RBMS3: variants seen among roughly 807,000 people sequenced by gnomAD.
RBMS3 encodes RNA-binding motif, single-stranded-interacting protein 3.
Under a neutral mutation model 66.8 loss-of-function variants are expected in RBMS3, and 27 were observed. The observed-to-expected ratio is 0.40, with a 90% CI of 0.30 to 0.56. The LOEUF is 0.56. RBMS3 is among the 20% of genes least tolerant of loss of function. The probability of loss-of-function intolerance (pLI) is 0.40; values close to 1 mark genes in which losing one functional copy is unlikely to be tolerated. For missense variants in RBMS3, 513 were observed against 549.5 expected (o/e 0.93, Z 0.66); for synonymous variants, 188 against 183.0 (o/e 1.03, Z -0.22).
At chr3:29,405,113 C>T (rs1286609222) in intron 1 of RBMS3, among the ~76,000 whole-genome samples, 1 of 151,972 alleles carries the variant, frequency 6.6e-6, no homozygotes, top group Admixed American at 6.6e-5. Context: ...GGACCCAAAC[C>T]CAAGTTTTCA....
intron 4 of RBMS3, among the ~76,000 whole-genome samples, chr3:29,682,315 T>TTTCG (rs1553641778): frequency 1.3e-5 from 2 of 152,074 alleles, no homozygotes; most frequent in African/African-American, 4.8e-5. Flanking sequence ...CCAGGTAATT[T>TTTCG]TTTGTTTGTT....
intron 4 of RBMS3, among the ~76,000 whole-genome samples, chr3:29,700,727 T>C (rs2052528401): frequency 6.6e-6 from 1 of 150,510 alleles, no homozygotes; most frequent in South Asian, 2.1e-4. Flanking sequence ...AGGAAAGTAA[T>C]GGGGAGTTAG....
intron 4 of RBMS3, among the ~76,000 whole-genome samples, chr3:29,730,563 C>T: frequency 6.6e-6 from 1 of 152,132 alleles, no homozygotes; most frequent in Admixed American, 6.6e-5. Context: ...AAACCTATGG[C>T]TGTCTTCATG....
At chr3:29,448,860 A>G (rs2041922854) in intron 2 of RBMS3, among the ~76,000 whole-genome samples, 2 of 152,222 alleles carry the variant, frequency 1.3e-5, no homozygotes, top group Admixed American at 1.3e-4. Flanking sequence ...GAGGTTAAAC[A>G]ATTTCTGAAG....
intron 3 of RBMS3, among the ~76,000 whole-genome samples, chr3:29,569,579 G>A (rs1278627865): frequency 6.6e-6 from 1 of 151,978 alleles, no homozygotes; most frequent in Non-Finnish European, 1.5e-5. Context: ...CTTTGAGATG[G>A]ATCCAACTTA....
chr3:29,332,089 AGGTTTGT>A (rs962731456), intron 1 of RBMS3, among the ~76,000 whole-genome samples: 71 of 152,118 alleles, frequency 4.7e-4, no homozygotes, highest in African/African-American at 1.6e-3. Context: ...AAGTATACCT[AGGTTTGT>A]GATAACAGTC....
intron 1 of RBMS3, among the ~76,000 whole-genome samples, chr3:29,286,244 G>A (rs1170686792): frequency 6.6e-6 from 1 of 151,770 alleles, no homozygotes; most frequent in African/African-American, 2.4e-5. Context: ...TTTTTAATTG[G>A]TTTCAAATAA....
intron 1 of RBMS3, among the ~76,000 whole-genome samples, chr3:29,302,016 A>C (rs765888477): frequency 6.6e-5 from 10 of 151,906 alleles, no homozygotes; most frequent in Admixed American, 5.9e-4. Context: ...AATTTTTTTT[A>C]AAAAGTTTTT....
At chr3:29,461,790 GT>G (rs2042376197) in intron 2 of RBMS3, among the ~76,000 whole-genome samples, 1 of 151,578 alleles carries the variant, frequency 6.6e-6, no homozygotes, top group African/African-American at 2.4e-5. Flanking sequence ...GTCTCACTCT[GT>G]CACCTAGGCT....
Position 29,422,002 on chromosome 3 carries a change from A to AT in RBMS3, c.76-12740dup, listed in dbSNP as rs540774577. 2.8e-3 allele frequency among the ~76,000 whole-genome samples: 419 copies of AT among 152,346 alleles called. 6 individuals are homozygous for AT. Among genetic ancestry groups the AT allele is most frequent in the Non-Finnish European group, 9.3e-4 (63 of 68,030 alleles). On this transcript the variant is annotated intron_variant, in intron 1 of 14. Transcript: ENST00000383767. ...TTTATGTGATAATAATAGCTAGCAT[A>AT]TATAGAATGCTGTGTGCCAGGTTTT...
intron 3 of RBMS3, among the ~76,000 whole-genome samples, chr3:29,557,024 CTCTT>C (rs1395032173): frequency 6.6e-6 from 1 of 152,202 alleles, no homozygotes; most frequent in East Asian, 1.9e-4. Flanking sequence ...TTGACTGCTT[CTCTT>C]TCTCTGTCTG....
At chr3:29,414,608 C>T (rs1475530175) in intron 1 of RBMS3, among the ~76,000 whole-genome samples, 1 of 152,136 alleles carries the variant, frequency 6.6e-6, no homozygotes, top group East Asian at 1.9e-4. Context: ...TTACATGTTT[C>T]AGTCTTAAAA....
At chr3:29,459,587 C>T (rs954424661) in intron 2 of RBMS3, among the ~76,000 whole-genome samples, 1 of 152,138 alleles carries the variant, frequency 6.6e-6, no homozygotes, top group Non-Finnish European at 1.5e-5. Flanking sequence ...AGAAAACTTG[C>T]TAATCATCAG....
intron 14 of RBMS3, among the ~76,000 whole-genome samples, chr3:29,997,868 A>G (rs1358098462): frequency 6.6e-6 from 1 of 152,208 alleles, no homozygotes; most frequent in Non-Finnish European, 1.5e-5. Context: ...CAAGACAGGG[A>G]TGCCCTCTCT....
chr3:29,921,541 T>C (rs1559801930), intron 10 of RBMS3, among the ~76,000 whole-genome samples: 1 of 151,918 alleles, frequency 6.6e-6, no homozygotes, highest in Non-Finnish European at 1.5e-5. Context: ...TCAGGAGGAA[T>C]GACACAATAA....
At chr3:29,572,079 C>G (rs1407053443) in intron 3 of RBMS3, among the ~76,000 whole-genome samples, 1 of 151,622 alleles carries the variant, frequency 6.6e-6, no homozygotes, top group Non-Finnish European at 1.5e-5. Flanking sequence ...TCAGATTGTT[C>G]CCTGTTGGCA....
intron 6 of RBMS3, among the ~76,000 whole-genome samples, chr3:29,842,795 A>C (rs1290212846): frequency 6.6e-6 from 1 of 152,188 alleles, no homozygotes; most frequent in East Asian, 1.9e-4. Flanking sequence ...TGATGATGAA[A>C]AGAGAGATTA....
chr3:29,727,989 A>C (rs1057302168), intron 4 of RBMS3, among the ~76,000 whole-genome samples: 9 of 152,220 alleles, frequency 5.9e-5, no homozygotes, highest in Non-Finnish European at 1.2e-4. Context: ...TGGATAAAGA[A>C]AATCTGGCAT....
At chr3:29,659,733 G>C (rs1218895796) in intron 4 of RBMS3, among the ~76,000 whole-genome samples, 2 of 152,180 alleles carry the variant, frequency 1.3e-5, no homozygotes, top group Non-Finnish European at 1.5e-5. Context: ...ATTTTGGTGG[G>C]GGGGTGGTTA....
Sources: allele counts gnomAD v4.1 joint callset (sites outside exome capture counted in the v4.1 genomes callset), GRCh38; gene constraint gnomAD v4.1.1; transcripts MANE v1.5; gene names NCBI Gene and HGNC (gene_info 2026-07-23, HGNC 2026-07-21).